MCTP1: variants seen among roughly 807,000 people sequenced by gnomAD.
The protein encoded by MCTP1 is multiple C2 and transmembrane domain containing 1.
A neutral mutation model predicts 120.6 loss-of-function variants in MCTP1; 69 were observed. The observed-to-expected ratio is 0.57, with a 90% CI of 0.47 to 0.70. The LOEUF (loss-of-function observed/expected upper bound fraction) is 0.70, where lower values mean the gene tolerates loss of function less well. Ranked by LOEUF, MCTP1 falls within the 30% of genes least tolerant of loss-of-function variation. The pLI is 0.00. For synonymous variants in MCTP1, 529 were observed against 493.1 expected, an observed-to-expected ratio of 1.07 and a Z score of -0.96; for missense variants, 1,203 against 1,248.8, an observed-to-expected ratio of 0.96 and a Z score of 0.55.
chr5:95,028,028 TA>T (rs1839601676), intron 1 of MCTP1, among the ~76,000 whole-genome samples: 1 of 152,216 alleles, frequency 6.6e-6, no homozygotes, highest in African/African-American at 2.4e-5. Flanking sequence ...CCTGAGGGAC[TA>T]GCTCACCACT....
intron 1 of MCTP1, 47 bp downstream of exon 1, chr5:95,283,809 G>C: frequency 4.6e-6 from 6 of 1,313,684 alleles, no homozygotes; most frequent in Non-Finnish European, 5.8e-6. Flanking sequence ...TGAAGAGGGA[G>C]GCGTGGTCCC....
At chr5:95,216,962 T>C (rs1255374990) in intron 1 of MCTP1, among the ~76,000 whole-genome samples, 3 of 152,220 alleles carry the variant, frequency 2.0e-5, no homozygotes, top group Non-Finnish European at 4.4e-5. Flanking sequence ...TTAAATGTTT[T>C]TCACTTGGCA....
chr5:94,817,468 G>C (rs1287483666), intron 17 of MCTP1, among the ~76,000 whole-genome samples: 1 of 152,004 alleles, frequency 6.6e-6, no homozygotes, highest in Non-Finnish European at 1.5e-5. Flanking sequence ...TGCAGAAGGA[G>C]TTGAAACTTG....
chr5:94,802,219 CT>C (rs1323805260), intron 17 of MCTP1, among the ~76,000 whole-genome samples: 1 of 152,010 alleles, frequency 6.6e-6, no homozygotes, highest in Non-Finnish European at 1.5e-5. Flanking sequence ...AACATGAGAG[CT>C]TTGAATAAGT....
At chr5:95,128,782 T>A (rs552236158) in intron 1 of MCTP1, among the ~76,000 whole-genome samples, 4 of 152,330 alleles carry the variant, frequency 2.6e-5, no homozygotes, top group African/African-American at 9.6e-5. Context: ...ACTCTGTGAA[T>A]ATACTAAAAG....
At position 95,137,480 on chromosome 5, in the gene MCTP1, T is replaced by C. The variant is rs78627044; in HGVS notation, c.721-119996A>G. Reference sequence around the variant, plus strand: ...AAACAGTATCCCCCAAAACTAAAGTTGCATGCAATATCTTTCAGGTCTAGA... The same window carrying C: ...AAACAGTATCCCCCAAAACTAAAGTCGCATGCAATATCTTTCAGGTCTAGA... On this transcript the variant is annotated intron_variant, in intron 1 of 22. Transcript: ENST00000515393. 7.5e-3 allele frequency among the ~76,000 whole-genome samples: 1,143 copies of C among 152,326 alleles called. 16 individuals carry two copies. Among genetic ancestry groups the C allele is most frequent in the African/African-American group, 0.026 (1,062 of 41,568 alleles).
chr5:95,187,844 G>C (rs1749392087), intron 1 of MCTP1, among the ~76,000 whole-genome samples: 3 of 152,254 alleles, frequency 2.0e-5, no homozygotes, highest in Admixed American at 6.5e-5. Flanking sequence ...TAAGTTAATA[G>C]TACATTTAAA....
chr5:95,023,816 A>C (rs1287168566), intron 1 of MCTP1, among the ~76,000 whole-genome samples: 1 of 152,224 alleles, frequency 6.6e-6, no homozygotes, highest in Non-Finnish European at 1.5e-5. Context: ...ATATATTAAA[A>C]GCTCTAAAAC....
In MCTP1 at chr5:94,996,598, A is replaced by T. The variant is rs147890426; in HGVS notation, c.838+20769T>A. On this transcript the variant is annotated intron_variant, in intron 2 of 22. Coordinates refer to ENST00000515393, the MANE Select transcript of MCTP1 (RefSeq NM_024717.7). ...ACTTATAATATCCAATACAATGTAA[A>T]TGCTAAGTAAATCATTGTTATACTG... is the stretch of plus-strand genomic sequence containing the variant. 4.6e-5 allele frequency among the ~76,000 whole-genome samples: 7 copies of T among 152,314 alleles called. No homozygotes were observed. The East Asian group carries it at 1.3e-3, about 29-fold the overall frequency.
intron 19 of MCTP1, among the ~76,000 whole-genome samples, chr5:94,751,741 T>G (rs1411278788): frequency 6.6e-6 from 1 of 152,104 alleles, no homozygotes; most frequent in Non-Finnish European, 1.5e-5. Context: ...CGCACAATGC[T>G]GCATGAAGGA....
intron 1 of MCTP1, among the ~76,000 whole-genome samples, chr5:95,025,345 T>G (rs558575945): frequency 1.8e-4 from 27 of 152,256 alleles, no homozygotes; most frequent in African/African-American, 6.5e-4. Flanking sequence ...TAAATGGAGT[T>G]GGAAAAACTA....
chr5:94,815,172 G>GA (rs1439325757), intron 17 of MCTP1, among the ~76,000 whole-genome samples: 4 of 152,080 alleles, frequency 2.6e-5, no homozygotes, highest in Non-Finnish European at 4.4e-5. Context: ...AACACAGCAG[G>GA]ACAAGTGAAA....
At chr5:94,763,255 A>G (rs1771755808) in intron 19 of MCTP1, among the ~76,000 whole-genome samples, 2 of 152,162 alleles carry the variant, frequency 1.3e-5, no homozygotes, top group Non-Finnish European at 2.9e-5. Context: ...CATCATAACA[A>G]TTCTCTCCTT....
At chr5:94,804,827 T>C (rs2153042210) in intron 17 of MCTP1, among the ~76,000 whole-genome samples, 1 of 152,330 alleles carries the variant, frequency 6.6e-6, no homozygotes, top group African/African-American at 2.4e-5. Flanking sequence ...CTTTGAGCAG[T>C]TGTAGAAGAC....
At chr5:94,981,761 G>T (rs935483947) in intron 2 of MCTP1, among the ~76,000 whole-genome samples, 3 of 152,138 alleles carry the variant, frequency 2.0e-5, no homozygotes, top group Non-Finnish European at 2.9e-5. Flanking sequence ...GGCAGAGAAA[G>T]CAGCAAGTGC....
chr5:95,238,346 C>T (rs1013406380), intron 1 of MCTP1, among the ~76,000 whole-genome samples: 1 of 152,100 alleles, frequency 6.6e-6, no homozygotes, highest in East Asian at 1.9e-4. Context: ...TAATCATATA[C>T]CAAATGTAAT....
At chr5:94,825,846 C>T (rs1376594937) in intron 17 of MCTP1, 1 of 171,730 alleles carries the variant, frequency 5.8e-6, no homozygotes, top group South Asian at 1.5e-4. Flanking sequence ...TAATGCCCTA[C>T]TTTGTCTTTT....
In MCTP1 at chr5:94,826,211, T is replaced by C. The variant is rs766212748; in HGVS notation, c.2437-27079A>G. 21 of 411,902 alleles carry C rather than the reference T, an allele frequency of 5.1e-5. 1 individual carries two copies. The highest frequency in any genetic ancestry group is 2.7e-4 in the East Asian group (5 of 18,822). 25.5% of individuals were successfully genotyped at this position (411,902 alleles called of 1,614,324 possible). ...ATCTGTCCAAGCAATTTGCTTCTTA[T>C]TGATTTTGCTATAACCATGCTTGTA... On this transcript the variant is annotated intron_variant, in intron 17 of 22. Transcript: ENST00000515393.
chr5:94,808,724 A>G (rs1580796220), intron 17 of MCTP1, among the ~76,000 whole-genome samples: 2 of 152,166 alleles, frequency 1.3e-5, no homozygotes, highest in African/African-American at 2.4e-5. Context: ...CAAAAGAACT[A>G]TCTATCTCTG....
Sources: gnomAD v4.1 joint callset for allele counts (sites outside exome capture counted in the v4.1 genomes callset) on GRCh38, gnomAD v4.1.1 for gene constraint, MANE v1.5 for transcripts, NCBI Gene and HGNC (gene_info 2026-07-23, HGNC 2026-07-21) for gene names.